GIT1: variants seen among roughly 807,000 people sequenced by gnomAD.
GIT1 encodes GIT ArfGAP 1, also known as ARF GTPase-activating protein GIT1.
A neutral mutation model predicts 91.7 loss-of-function variants in GIT1; 14 were observed. The ratio of observed to expected loss-of-function variants is 0.15; its 90% CI spans 0.10 to 0.24. GIT1 has a LOEUF of 0.24. GIT1 is among the 10% of genes least tolerant of loss of function. GIT1 has a pLI of 1.00. For missense variants in GIT1, 717 were observed against 1,024.9 expected (o/e 0.70, Z 4.10); for synonymous variants, 414 against 418.2 (o/e 0.99, Z 0.12).
In GIT1 at chr17:29,576,505, C is replaced by A. The variant is rs766232340; in HGVS notation, c.1380+17G>T. ...GGAGTCCTGGGGCTCCCCCTCCCAC[C>A]GAGGCTGCACCCTCACCTCTCGCTG... is the stretch of plus-strand genomic sequence containing the variant. On this transcript the variant is annotated intron_variant, in intron 13 of 19. Transcript: ENST00000225394. 1.3e-5 allele frequency: 21 copies of A among 1,613,490 alleles called. No homozygotes were observed. The highest frequency in any genetic ancestry group is 1.7e-5 in the Non-Finnish European group (20 of 1,179,800).
intron 7 of GIT1, chr17:29,579,129 A>G (rs778789945): frequency 5.6e-6 from 4 of 716,146 alleles, no homozygotes; most frequent in African/African-American, 5.3e-5. Flanking sequence ...AGCTGAATTC[A>G]TCTCACCGCG....
intron 7 of GIT1, 185 bp from the exon 8 acceptor site, chr17:29,578,964 C>T (rs1474054757): frequency 2.5e-6 from 4 of 1,613,954 alleles, no homozygotes; most frequent in Non-Finnish European, 2.5e-6. Flanking sequence ...CCATATACCT[C>T]TGAGACATGC....
At chr17:29,585,228 C>T (rs1382141358) in intron 1 of GIT1, among the ~76,000 whole-genome samples, 2 of 152,110 alleles carry the variant, frequency 1.3e-5, no homozygotes, top group African/African-American at 2.4e-5. Context: ...CTCCCTCTCC[C>T]CACTCCAAAC....
chr17:29,579,351 A>G (rs2033320332), intron 7 of GIT1: 1 of 312,734 alleles, frequency 3.2e-6, no homozygotes, highest in African/African-American at 2.1e-5. Flanking sequence ...TCCACCCAGC[A>G]GCCAGGGTGA....
At chr17:29,577,923 G>A (rs537662404) in intron 9 of GIT1, among the ~76,000 whole-genome samples, 181 bp from the exon 10 acceptor site, 4 of 152,358 alleles carry the variant, frequency 2.6e-5, no homozygotes, top group South Asian at 2.1e-4. Context: ...GGGCGTGGCC[G>A]GCTGGGGACA....
At chr17:29,580,776 CTTT>C (rs113414459) in intron 7 of GIT1, among the ~76,000 whole-genome samples, 1 of 142,580 alleles carries the variant, frequency 7.0e-6, no homozygotes. Flanking sequence ...GTTTCTTTTT[CTTT>C]TTTTTTTTTT....
At position 29,581,817 on chromosome 17, in the gene GIT1, G is replaced by C; in HGVS notation, c.643C>G (p.Leu215Val). ...DYARQAGHHE[L>V]AERLVECQYE... Reference sequence around the variant, plus strand: ...TGGCACTCAACCAGCCTTTCCGCCAGCTCATGGTGCCCCGCCTGCCTGTGA... The same window carrying C: ...TGGCACTCAACCAGCCTTTCCGCCACCTCATGGTGCCCCGCCTGCCTGTGA... The change falls in exon 6 of 20, where the codon CTG (leucine) becomes GTG (valine). Residue 215 changes from leucine (L) to valine (V), a missense_variant. Leu to Val is a conservative substitution (Grantham distance 32). Coordinates refer to ENST00000225394, the MANE Select transcript of GIT1 (RefSeq NM_014030.4). This position sits in a 1 kb window ranked among gnomAD's most constrained non-coding sequence, Gnocchi z 4.8. 1.9e-6 allele frequency: 3 copies of C among 1,612,584 alleles called. No homozygotes were observed. The highest frequency in any genetic ancestry group is 2.5e-6 in the Non-Finnish European group (3 of 1,179,908).
intron 1 of GIT1, among the ~76,000 whole-genome samples, chr17:29,587,406 C>T (rs2033626481): frequency 6.6e-6 from 1 of 152,202 alleles, no homozygotes; most frequent in Non-Finnish European, 1.5e-5. Context: ...CCCCACCATC[C>T]TCACCTTCTC....
At position 29,581,201 on chromosome 17, in the gene GIT1, G is replaced by A; in HGVS notation, c.761+137C>T. On this transcript the variant is annotated intron_variant, in intron 7 of 19. Transcript: ENST00000225394. This position sits in a 1 kb window ranked among gnomAD's most constrained non-coding sequence, Gnocchi z 4.8. ...TTGGGGCCCAGCATTAGGGACTGAG[G>A]ACTAAGCTGTGCCTCTAGTCTCTGG... The A allele has an allele frequency of 1.4e-6, 1 of 711,540 alleles. No individual in the cohort carries two copies. Among genetic ancestry groups the A allele is most frequent in the Non-Finnish European group, 2.6e-6 (1 of 391,148 alleles). 44.1% of individuals were successfully genotyped at this position (711,540 alleles called of 1,614,324 possible).
intron 10 of GIT1, 110 bp from the exon 11 acceptor site, chr17:29,577,357 T>A: frequency 1.2e-6 from 1 of 864,954 alleles, no homozygotes; most frequent in Non-Finnish European, 1.9e-6. Context: ...TAACCCCAGC[T>A]AAAGCGTCCC....
chr17:29,582,642 G>A lies in GIT1; in HGVS notation c.405+56C>T, dbSNP rs1386575559. 22 of 1,204,794 alleles carry A rather than the reference G, an allele frequency of 1.8e-5. No homozygotes were observed. The Admixed American group carries it at 3.8e-4, about 21-fold the overall frequency. 74.6% of individuals were successfully genotyped at this position (1,204,794 alleles called of 1,614,324 possible). ...GGGACAAAGGAGAGGCCTTCAGAGAGTCGTGGATGGGAAGAAGAGGAGGGG... is the reference window on the plus strand; with the variant it reads ...GGGACAAAGGAGAGGCCTTCAGAGAATCGTGGATGGGAAGAAGAGGAGGGG... On this transcript the variant is annotated intron_variant, in intron 4 of 19. Transcript: ENST00000225394.
Position 29,582,735 on chromosome 17 carries a change from C to T in GIT1, c.368G>A (p.Arg123Gln), listed in dbSNP as rs922868510. The change falls in exon 4 of 20, where the codon CGG (arginine) becomes CAG (glutamine). Residue 123 changes from arginine to glutamine, a missense_variant. Coordinates refer to ENST00000225394, the MANE Select transcript of GIT1 (RefSeq NM_014030.4). ...TTTGGCGGTGACTCCATCATCGTCC[C>T]GGCAGGGAAGCTTGTGCACAAATGC... The part of the protein sequence containing the change: ...MLAFVHKLPC[R>Q]DDDGVTAKDL... 5 of 1,613,652 alleles carry T rather than the reference C, an allele frequency of 3.1e-6. No individual in the cohort carries two copies. Among genetic ancestry groups the T allele is most frequent in the South Asian group, 2.2e-5 (2 of 91,078 alleles).
At chr17:29,577,455 C>T (rs1366722210) in intron 10 of GIT1, among the ~76,000 whole-genome samples, 190 bp downstream of exon 10, 5 of 152,206 alleles carry the variant, frequency 3.3e-5, no homozygotes, top group African/African-American at 1.2e-4. Context: ...GCCGGAACAC[C>T]CACCGGAGCT....
At position 29,574,965 on chromosome 17, in the gene GIT1, A is replaced by G. The variant is rs752746031; in HGVS notation, c.2074-51T>C. 54 of 1,497,546 alleles carry G rather than the reference A, an allele frequency of 3.6e-5. No individual in the cohort carries two copies. In the South Asian group the frequency reaches 6.2e-4, roughly 17 times the overall value. 92.8% of individuals were successfully genotyped at this position (1,497,546 alleles called of 1,614,324 possible). On this transcript the variant is annotated intron_variant, in intron 19 of 19. Coordinates refer to ENST00000225394, the MANE Select transcript of GIT1 (RefSeq NM_014030.4). ...ACCTTGGACTTTAAGCCACCAGCTG[A>G]GATCAGGGCCCAGTTTGTCTGTGTC...
chr17:29,584,565 C>CG (rs1450814753), intron 1 of GIT1, among the ~76,000 whole-genome samples: 1 of 152,294 alleles, frequency 6.6e-6, no homozygotes, highest in African/African-American at 2.4e-5. Context: ...GGAAAGGTCA[C>CG]GGGGGAGAAA....
At position 29,581,252 on chromosome 17, in the gene GIT1, C is replaced by G; in HGVS notation, c.761+86G>C. On this transcript the variant is annotated intron_variant, in intron 7 of 19. Transcript: ENST00000225394. The surrounding 1 kb of genome is among the most constrained non-coding windows in gnomAD (Gnocchi z 4.8). ...GGGGAGGGAGCAGGGTCCTAGGCCT[C>G]TGAAACCTGGGCTGGGAGCTCTGGG... is the stretch of plus-strand genomic sequence containing the variant. The G allele has an allele frequency of 1.0e-6, 1 of 1,003,702 alleles. No individual in the cohort carries two copies. The highest frequency in any genetic ancestry group is 1.6e-6 in the Non-Finnish European group (1 of 627,876). 62.2% of individuals were successfully genotyped at this position (1,003,702 alleles called of 1,614,324 possible).
Position 29,576,889 on chromosome 17 carries a change from C to A in GIT1, c.1201G>T (p.Gly401Cys). Residue 401 changes from glycine to cysteine, a missense_variant, in exon 12 of 20, where the codon GGC becomes TGC. Physicochemically the swap from Gly to Cys is radical, Grantham distance 159 (BLOSUM62 -3). Coordinates refer to ENST00000225394, the MANE Select transcript of GIT1 (RefSeq NM_014030.4). The stretch of plus-strand genomic sequence containing the variant: ...CGGGCCCGGTTGCTCCGAGTGGCGC[C>A]GGTGCTGCGCAGGGGCTCCTGGTCT... Reference protein sequence around the residue: ...DTDQEPLRSTGATRSNRARSM... With the variant: ...DTDQEPLRSTCATRSNRARSM... The A allele has an allele frequency of 6.3e-7, 1 of 1,575,326 alleles. No individual in the cohort carries two copies. Among genetic ancestry groups the A allele is most frequent in the Non-Finnish European group, 8.6e-7 (1 of 1,162,196 alleles).
chr17:29,579,093 A>C, intron 7 of GIT1: 22 of 948,390 alleles, frequency 2.3e-5, no homozygotes, highest in Non-Finnish European at 3.3e-5. Flanking sequence ...ACCCATCTCC[A>C]CGCACACCCG....
intron 1 of GIT1, chr17:29,583,859 TC>T: frequency 5.8e-6 from 3 of 516,210 alleles, no homozygotes; most frequent in East Asian, 6.2e-5. Flanking sequence ...GGATATGCAG[TC>T]CCCAGGGCCC....
Sources: allele counts gnomAD v4.1 joint callset (sites outside exome capture counted in the v4.1 genomes callset), GRCh38; gene constraint gnomAD v4.1.1; non-coding constraint Gnocchi (gnomAD v3.1); transcripts MANE v1.5; gene names NCBI Gene and HGNC (gene_info 2026-07-23, HGNC 2026-07-21).